Variants in KCNJ6 observed in about 807,000 individuals in gnomAD.
KCNJ6 encodes the protein G protein-activated inward rectifier potassium channel 2.
Under a neutral mutation model 34.2 loss-of-function variants are expected in KCNJ6, and 9 were observed. The ratio of observed to expected loss-of-function variants is 0.26; its 90% CI spans 0.16 to 0.46. KCNJ6 has a LOEUF of 0.46. KCNJ6 is among the 20% of genes least tolerant of loss of function. The pLI is 1.00. For missense variants in KCNJ6, 236 were observed against 531.3 expected, an observed-to-expected ratio of 0.44 and a Z score of 5.46; for synonymous variants, 196 against 207.1, an observed-to-expected ratio of 0.95 and a Z score of 0.46.
intron 2 of KCNJ6, among the ~76,000 whole-genome samples, chr21:37,810,178 T>C (rs563814848): frequency 9.4e-4 from 143 of 152,332 alleles, no homozygotes; most frequent in African/African-American, 3.2e-3. Flanking sequence ...GATCATATTA[T>C]ACATAACACC....
At chr21:37,776,253 A>G (rs1388390144) in intron 2 of KCNJ6, among the ~76,000 whole-genome samples, 2 of 152,220 alleles carry the variant, frequency 1.3e-5, no homozygotes, top group Non-Finnish European at 2.9e-5. Context: ...TTGGGCTGAG[A>G]CGATGGGGTT....
At chr21:37,692,196 A>G (rs2054643087) in intron 3 of KCNJ6, among the ~76,000 whole-genome samples, 1 of 152,244 alleles carries the variant, frequency 6.6e-6, no homozygotes, top group Admixed American at 6.5e-5. Flanking sequence ...CAAGTATCCC[A>G]GAACTTAAAG....
At chr21:37,662,281 G>T (rs984282859) in intron 3 of KCNJ6, among the ~76,000 whole-genome samples, 6 of 152,126 alleles carry the variant, frequency 3.9e-5, no homozygotes, top group African/African-American at 1.4e-4. Context: ...AGGCCTGAGT[G>T]TGTGTTGTTC....
intron 3 of KCNJ6, among the ~76,000 whole-genome samples, chr21:37,642,111 A>T (rs2054383395): frequency 6.6e-6 from 1 of 152,250 alleles, no homozygotes; most frequent in African/African-American, 2.4e-5. Flanking sequence ...AATATTGAGC[A>T]GGCCATCGGG....
At chr21:37,765,228 T>A (rs946258365) in intron 2 of KCNJ6, among the ~76,000 whole-genome samples, 11 of 152,194 alleles carry the variant, frequency 7.2e-5, no homozygotes, top group African/African-American at 2.7e-4. Flanking sequence ...CCACTGCACA[T>A]CTCTTTTAAA....
At chr21:37,885,926 C>A (rs550971689) in intron 1 of KCNJ6, among the ~76,000 whole-genome samples, 22 of 152,264 alleles carry the variant, frequency 1.4e-4, no homozygotes, top group Admixed American at 1.2e-3. Context: ...ACTTGCCTTT[C>A]TCGAGGTTAT....
chr21:37,792,453 C>A (rs1358033756), intron 2 of KCNJ6, among the ~76,000 whole-genome samples: 1 of 152,194 alleles, frequency 6.6e-6, no homozygotes, highest in Non-Finnish European at 1.5e-5. Context: ...CCTTGAAGAT[C>A]AGGATGTTTA....
At position 37,856,614 on chromosome 21, in the gene KCNJ6, G is replaced by GGAGA. The variant is rs113788929; in HGVS notation, c.-27-15909_-27-15906dup. Among the ~76,000 whole-genome samples the GGAGA allele has an allele frequency of 1.3e-3, 200 of 150,668 alleles. 2 individuals are homozygous for GGAGA. Among genetic ancestry groups the GGAGA allele is most frequent in the African/African-American group, 4.4e-3 (182 of 41,188 alleles). ...ATCCTGATGACTATAACTCTTAAAT[G>GGAGA]GAGAGAGAGAGAGAGAGAACACAAA... On this transcript the variant is annotated intron_variant, in intron 1 of 3. Transcript: ENST00000609713.
intron 3 of KCNJ6, among the ~76,000 whole-genome samples, chr21:37,627,455 C>G (rs1345062752): frequency 6.6e-6 from 1 of 152,088 alleles, no homozygotes; most frequent in African/African-American, 2.4e-5. Context: ...GGGGTGAAGA[C>G]AGGTGATGGC....
At chr21:37,755,294 GAAAA>G (rs1321117746) in intron 2 of KCNJ6, among the ~76,000 whole-genome samples, 3 of 148,872 alleles carry the variant, frequency 2.0e-5, no homozygotes, top group Admixed American at 6.7e-5. Flanking sequence ...AATGAAAAAA[GAAAA>G]AAAAAGAAAA....
rs796919220 is a variant in KCNJ6, at chr21:37,731,749, C to A, written c.26-16618G>T. ...AGAGTATAGAGCAACAATCAAGAAT[C>A]GAGACCACCAGATACTTCAGGAAGC... On this transcript the variant is annotated intron_variant, in intron 2 of 3. Coordinates refer to ENST00000609713, the MANE Select transcript of KCNJ6 (RefSeq NM_002240.5). Among the ~76,000 whole-genome samples, 17 of 152,244 alleles carry A rather than the reference C, an allele frequency of 1.1e-4. No individual in the cohort carries two copies. The Middle Eastern group carries it at 0.01, about 91-fold the overall frequency.
intron 2 of KCNJ6, among the ~76,000 whole-genome samples, chr21:37,745,169 G>A (rs977515676): frequency 7.0e-6 from 1 of 142,276 alleles, no homozygotes; most frequent in Admixed American, 7.6e-5. Flanking sequence ...TAGGGCTCAC[G>A]GCAGCCCCTT....
At position 37,700,641 on chromosome 21, in the gene KCNJ6, ATGAACCAGGGCAGCG is replaced by A. The variant is rs1159784195; in HGVS notation, c.946+13555_946+13569del. On this transcript the variant is annotated intron_variant, in intron 3 of 3. Transcript: ENST00000609713. ...TGGTCCAGCAGGAGGGCTTGGTGGC[ATGAACCAGGGCAGCG>A]GCCAAGCCCCTGAGAGGAAAGGATG... 3.3e-5 allele frequency among the ~76,000 whole-genome samples: 5 copies of A among 152,316 alleles called. No homozygotes were observed. The East Asian group carries it at 9.7e-4, about 29-fold the overall frequency.
chr21:37,888,400 A>T (rs749422572), intron 1 of KCNJ6, among the ~76,000 whole-genome samples: 13 of 152,274 alleles, frequency 8.5e-5, no homozygotes, highest in Middle Eastern at 3.4e-3. Context: ...GACACCCCAG[A>T]TAGTCTTGGA....
At chr21:37,761,269 G>A (rs1304823952) in intron 2 of KCNJ6, among the ~76,000 whole-genome samples, 1 of 150,884 alleles carries the variant, frequency 6.6e-6, no homozygotes, top group Non-Finnish European at 1.5e-5. Flanking sequence ...TGTGTGTTGT[G>A]TGTGGTAGTG....
At chr21:37,900,540 C>T (rs1052647140) in intron 1 of KCNJ6, among the ~76,000 whole-genome samples, 15 of 152,150 alleles carry the variant, frequency 9.9e-5, no homozygotes, top group South Asian at 2.1e-4. Flanking sequence ...TAGAAGGTAA[C>T]GCATACTATG....
At chr21:37,667,614 G>A (rs2054522055) in intron 3 of KCNJ6, among the ~76,000 whole-genome samples, 1 of 151,270 alleles carries the variant, frequency 6.6e-6, no homozygotes, top group Non-Finnish European at 1.5e-5. Flanking sequence ...AGCGGGGTCT[G>A]GGGTAGCAGG....
At chr21:37,776,455 G>A (rs2055142532) in intron 2 of KCNJ6, among the ~76,000 whole-genome samples, 1 of 149,028 alleles carries the variant, frequency 6.7e-6, no homozygotes, top group Non-Finnish European at 1.5e-5. Context: ...TCCAGTTTTT[G>A]CCCATTAAGT....
intron 2 of KCNJ6, among the ~76,000 whole-genome samples, chr21:37,733,552 G>A (rs951120028): frequency 6.6e-6 from 1 of 152,152 alleles, no homozygotes; most frequent in Admixed American, 6.5e-5. Context: ...TCTAGGGACT[G>A]TTGGTCAACA....
Sources: gnomAD v4.1 joint callset for allele counts (sites outside exome capture counted in the v4.1 genomes callset) on GRCh38, gnomAD v4.1.1 for gene constraint, MANE v1.5 for transcripts, NCBI Gene and HGNC (gene_info 2026-07-23, HGNC 2026-07-21) for gene names.